The following CDK6 variants were observed in gnomAD, a reference collection of about 807,000 sequenced individuals.
CDK6 encodes cyclin-dependent kinase 6.
In CDK6, 6 loss-of-function variants were observed where a neutral mutation model predicts 37.1. The ratio of observed to expected loss-of-function variants is 0.16; its 90% CI spans 0.09 to 0.32. The LOEUF is 0.32. Among genes scored for constraint, CDK6 ranks in the 10% least tolerant of loss-of-function variants. CDK6 has a pLI of 1.00. For missense variants in CDK6, 224 were observed against 418.9 expected, an observed-to-expected ratio of 0.53 and a Z score of 4.06; for synonymous variants, 160 against 161.3, an observed-to-expected ratio of 0.99 and a Z score of 0.06.
intron 3 of CDK6, among the ~76,000 whole-genome samples, chr7:92,763,395 T>C (rs1799505076): frequency 6.6e-6 from 1 of 152,234 alleles, no homozygotes; most frequent in South Asian, 2.1e-4. Flanking sequence ...TTTAAGACCC[T>C]AGAGAACTGT....
At chr7:92,798,963 C>T (rs1800491753) in intron 2 of CDK6, among the ~76,000 whole-genome samples, 1 of 152,186 alleles carries the variant, frequency 6.6e-6, no homozygotes, top group Non-Finnish European at 1.5e-5. Context: ...CTGTGCCTCT[C>T]CACAATATGC....
chr7:92,732,029 T>C (rs1798661910), intron 3 of CDK6, among the ~76,000 whole-genome samples: 1 of 152,254 alleles, frequency 6.6e-6, no homozygotes, highest in South Asian at 2.1e-4. Flanking sequence ...ATGACCCAAG[T>C]GGCTATCATT....
chr7:92,701,209 G>C (rs2116660367), intron 4 of CDK6, among the ~76,000 whole-genome samples: 1 of 152,322 alleles, frequency 6.6e-6, no homozygotes, highest in East Asian at 1.9e-4. Flanking sequence ...CAGGTAGTGA[G>C]ATTAGAAGAG....
intron 3 of CDK6, among the ~76,000 whole-genome samples, chr7:92,730,970 G>A (rs1354017493): frequency 6.6e-6 from 1 of 152,132 alleles, no homozygotes; most frequent in African/African-American, 2.4e-5. Flanking sequence ...GTGGTATATT[G>A]TTGCTACCTA....
chr7:92,693,858 A>G (rs1797649613), intron 4 of CDK6, among the ~76,000 whole-genome samples: 1 of 152,230 alleles, frequency 6.6e-6, no homozygotes, highest in South Asian at 2.1e-4. Flanking sequence ...TTATAGTGAA[A>G]TTGGAGTATG....
chr7:92,751,500 C>T (rs1799186870), intron 3 of CDK6, among the ~76,000 whole-genome samples: 1 of 151,928 alleles, frequency 6.6e-6, no homozygotes, highest in African/African-American at 2.4e-5. Context: ...GATAACAATA[C>T]AGCAAAAGTA....
At chr7:92,824,159 A>ATC (rs1417764139) in intron 2 of CDK6, among the ~76,000 whole-genome samples, 4 of 152,044 alleles carry the variant, frequency 2.6e-5, no homozygotes, top group Admixed American at 2.6e-4. Context: ...AAAAAAGCAA[A>ATC]TTCACTAAAG....
chr7:92,746,929 GCT>G (rs1799074595), intron 3 of CDK6, among the ~76,000 whole-genome samples: 1 of 151,680 alleles, frequency 6.6e-6, no homozygotes, highest in Admixed American at 6.6e-5. Context: ...TATCAATTTT[GCT>G]GGATTGTATT....
At chr7:92,644,598 A>G (rs1030384726) in intron 5 of CDK6, among the ~76,000 whole-genome samples, 3 of 152,218 alleles carry the variant, frequency 2.0e-5, no homozygotes, top group Non-Finnish European at 4.4e-5. Context: ...GATGCATGTA[A>G]TAAGTGTAGA....
intron 2 of CDK6, among the ~76,000 whole-genome samples, chr7:92,802,226 T>G (rs573582103): frequency 6.6e-6 from 1 of 152,136 alleles, no homozygotes; most frequent in South Asian, 2.1e-4. Context: ...TGTCCAACAT[T>G]CTACACTCTG....
intron 2 of CDK6, among the ~76,000 whole-genome samples, chr7:92,809,328 C>G (rs185973734): frequency 9.3e-4 from 141 of 152,240 alleles, no homozygotes; most frequent in Admixed American, 3.3e-3. Flanking sequence ...ATTTTAGAGT[C>G]TAAAAATTGT....
At chr7:92,803,104 A>T (rs1351841709) in intron 2 of CDK6, among the ~76,000 whole-genome samples, 2 of 152,240 alleles carry the variant, frequency 1.3e-5, no homozygotes, top group African/African-American at 4.8e-5. Context: ...AACTAATATT[A>T]TACTGTATTT....
chr7:92,649,101 T>C lies in CDK6; in HGVS notation c.647+22325A>G, dbSNP rs559185447. 1.4e-4 allele frequency among the ~76,000 whole-genome samples: 21 copies of C among 152,170 alleles called. No individual in the cohort carries two copies. In the South Asian group the frequency reaches 4.1e-3, roughly 30 times the overall value. The stretch of plus-strand genomic sequence containing the variant: ...AGGAGCTATGCACTATATGTATATA[T>C]CTTTGGAAATTCAAAATTTACATTA... On this transcript the variant is annotated intron_variant, in intron 5 of 7. Coordinates refer to ENST00000424848, the MANE Select transcript of CDK6 (RefSeq NM_001145306.2).
intron 4 of CDK6, among the ~76,000 whole-genome samples, chr7:92,708,801 T>G (rs1486177734): frequency 6.6e-6 from 1 of 152,168 alleles, no homozygotes; most frequent in Non-Finnish European, 1.5e-5. Context: ...ATTATACAAT[T>G]TGTTCCGTTT....
chr7:92,633,365 A>G (rs192537115), intron 5 of CDK6, among the ~76,000 whole-genome samples: 6 of 152,222 alleles, frequency 3.9e-5, no homozygotes, highest in Admixed American at 2.6e-4. Flanking sequence ...GACCTATTTG[A>G]ATAGGGTTTT....
intron 5 of CDK6, among the ~76,000 whole-genome samples, chr7:92,665,175 G>A (rs1796928341): frequency 6.6e-6 from 1 of 152,080 alleles, no homozygotes; most frequent in Non-Finnish European, 1.5e-5. Context: ...GTTCTAACTA[G>A]GATTACAAGG....
At position 92,754,978 on chromosome 7, in the gene CDK6, C is replaced by T. The variant is rs372897923; in HGVS notation, c.369+19718G>A. On this transcript the variant is annotated intron_variant, in intron 3 of 7. Transcript: ENST00000424848. ...AATTAACAGAGTCCATTTCCTTTCA[C>T]CCTCTTGGCCCTACCACTCTTCTCT... Among the ~76,000 whole-genome samples, 123 of 152,256 alleles carry T rather than the reference C, an allele frequency of 8.1e-4. 1 individual carries two copies. The South Asian group carries it at 0.023, about 29-fold the overall frequency.
chr7:92,685,535 T>G (rs1219874392), intron 4 of CDK6, among the ~76,000 whole-genome samples: 3 of 152,240 alleles, frequency 2.0e-5, no homozygotes, highest in Non-Finnish European at 4.4e-5. Context: ...GGCAGGTAGC[T>G]TCTTTTATCC....
intron 4 of CDK6, among the ~76,000 whole-genome samples, chr7:92,706,388 T>A (rs1585415258): frequency 1.3e-5 from 2 of 152,328 alleles, no homozygotes; most frequent in East Asian, 3.9e-4. Context: ...GACAAAACAG[T>A]GAGACCCTGT....
Sources: allele counts gnomAD v4.1 joint callset (sites outside exome capture counted in the v4.1 genomes callset), GRCh38; gene constraint gnomAD v4.1.1; transcripts MANE v1.5; gene names NCBI Gene and HGNC (gene_info 2026-07-23, HGNC 2026-07-21).